The following OPA1 variants were observed in gnomAD, a reference collection of about 807,000 sequenced individuals.
The protein encoded by OPA1 is dynamin-like GTPase OPA1, mitochondrial.
Under a neutral mutation model 152.9 loss-of-function variants are expected in OPA1, and 59 were observed. The observed-to-expected ratio is 0.39, with a 90% confidence interval of 0.31 to 0.48. The LOEUF (loss-of-function observed/expected upper bound fraction) is 0.48. Ranked by LOEUF, OPA1 falls within the 20% of genes least tolerant of loss-of-function variation. The pLI is 0.96. For synonymous variants in OPA1, 400 were observed against 389.9 expected (o/e 1.03, Z -0.31); for missense variants, 1,008 against 1,216.8 (o/e 0.83, Z 2.55).
chr3:193,618,905 G>A lies in OPA1; in HGVS notation c.647G>A (p.Arg216His), dbSNP rs541206547. Residue 216 changes from arginine (R) to histidine (H), a missense_variant, in exon 6 of 31, where the codon CGT becomes CAT. This residue lies in a region of OPA1 where 408 missense variants were observed against 395.1 expected (regional missense o/e 1.03). Transcript: ENST00000361510. ...PEETAFRATDRGSESDKHFRK... is the reference protein window; with the variant it reads ...PEETAFRATDHGSESDKHFRK... ...GAAACGGCGTTTAGAGCAACAGATC[G>A]TGGATCTGAAAGTGACAAGCATTTT... 14 of 1,613,856 alleles carry A rather than the reference G, an allele frequency of 8.7e-6. No individual in the cohort carries two copies. The highest frequency in any genetic ancestry group is 4.5e-5 in the East Asian group (2 of 44,856).
intron 1 of OPA1, 91 bp from the exon 2 acceptor site, chr3:193,614,632 T>TGTGC: frequency 1.2e-6 from 1 of 850,296 alleles, no homozygotes; most frequent in East Asian, 2.6e-5. Context: ...CGTATGGGGC[T>TGTGC]GTGTTTCCTT....
intron 1 of OPA1, among the ~76,000 whole-genome samples, chr3:193,613,526 G>C (rs1220216492): frequency 6.6e-6 from 1 of 151,788 alleles, no homozygotes; most frequent in Non-Finnish European, 1.5e-5. Context: ...TCACAGCATT[G>C]CTCCTGTCTT....
At chr3:193,658,162 T>C (rs1242831108) in intron 23 of OPA1, among the ~76,000 whole-genome samples, 1 of 151,502 alleles carries the variant, frequency 6.6e-6, no homozygotes, top group East Asian at 1.9e-4. Flanking sequence ...GGAGAATTGC[T>C]TGAACCCAGG....
intron 29 of OPA1, among the ~76,000 whole-genome samples, chr3:193,684,758 A>G (rs1027440350): frequency 5.9e-5 from 9 of 151,972 alleles, no homozygotes; most frequent in Admixed American, 3.9e-4. Context: ...GCCAAGTACT[A>G]TTTTTATTAG....
At chr3:193,659,691 T>G in intron 25 of OPA1, 130 bp downstream of exon 25, 1 of 696,428 alleles carries the variant, frequency 1.4e-6, no homozygotes, top group South Asian at 1.9e-5. Flanking sequence ...TCATACTTTC[T>G]AAAATATAAT....
At chr3:193,693,251 A>G in intron 30 of OPA1, among the ~76,000 whole-genome samples, 1 of 152,280 alleles carries the variant, frequency 6.6e-6, no homozygotes, top group Non-Finnish European at 1.5e-5. Flanking sequence ...TCCATGGTAC[A>G]TCATTCGGAA....
intron 1 of OPA1, among the ~76,000 whole-genome samples, chr3:193,607,724 G>C (rs766158458): frequency 8.7e-4 from 133 of 152,286 alleles, no homozygotes; most frequent in Non-Finnish European, 1.7e-3. Context: ...CTTTGGCTTA[G>C]GATTGACTTG....
chr3:193,634,304 A>G (rs114915791), intron 8 of OPA1, among the ~76,000 whole-genome samples: 3,808 of 151,962 alleles, frequency 0.025, 50 homozygotes, highest in Non-Finnish European at 0.03. Context: ...CTGTTTAGAC[A>G]TATTAGTCTT....
intron 1 of OPA1, among the ~76,000 whole-genome samples, chr3:193,606,597 C>T (rs1727322520): frequency 6.6e-6 from 1 of 152,148 alleles, no homozygotes; most frequent in Non-Finnish European, 1.5e-5. Context: ...GACATTAACT[C>T]ATCATTTTTT....
At chr3:193,664,357 G>T (rs1235101921) in intron 26 of OPA1, among the ~76,000 whole-genome samples, 1 of 151,748 alleles carries the variant, frequency 6.6e-6, no homozygotes, top group African/African-American at 2.4e-5. Context: ...TTATTGTTTT[G>T]CTCAAAAAAG....
intron 29 of OPA1, among the ~76,000 whole-genome samples, chr3:193,671,338 A>T (rs77488824): frequency 6.6e-6 from 1 of 152,216 alleles, no homozygotes; most frequent in South Asian, 2.1e-4. Context: ...ATTCAGTCAT[A>T]ACAATACATG....
intron 5 of OPA1, among the ~76,000 whole-genome samples, chr3:193,618,048 G>T (rs1166331442): frequency 6.6e-6 from 1 of 152,038 alleles, no homozygotes; most frequent in Non-Finnish European, 1.5e-5. Context: ...ATATGTATGT[G>T]TATTATAAGA....
chr3:193,645,636 A>C lies in OPA1; in HGVS notation c.1681+11A>C, dbSNP rs1175636587. 2 of 1,608,844 alleles carry C rather than the reference A, an allele frequency of 1.2e-6. No homozygotes were observed. The highest frequency in any genetic ancestry group is 1.7e-6 in the Non-Finnish European group (2 of 1,175,556). ...TTGTAACAGGAAAAGGTATGCAAAG[A>C]TGGATTATAATAACTTATTTTTAGT... is the stretch of plus-strand genomic sequence containing the variant. On this transcript the variant is annotated intron_variant, in intron 17 of 30. Transcript: ENST00000361510.
intron 29 of OPA1, among the ~76,000 whole-genome samples, chr3:193,678,314 G>GT (rs368565789): frequency 0.012 from 1,759 of 145,600 alleles, 22 homozygotes; most frequent in African/African-American, 0.036. Context: ...GAATTTGAGG[G>GT]TTTTTTTTTT....
intron 30 of OPA1, 93 bp from the exon 31 acceptor site, chr3:193,694,513 A>G (rs1445913413): frequency 6.6e-6 from 1 of 152,234 alleles, no homozygotes; most frequent in Non-Finnish European, 1.5e-5. Context: ...TTAGGCTTCA[A>G]CATTGTTGTG....
chr3:193,621,016 T>G (rs999295923), intron 6 of OPA1, among the ~76,000 whole-genome samples: 1 of 152,244 alleles, frequency 6.6e-6, no homozygotes, highest in Non-Finnish European at 1.5e-5. Flanking sequence ...AGCTGAATAC[T>G]TTTTTAACTG....
chr3:193,635,302 A>G, intron 8 of OPA1, 116 bp from the exon 9 acceptor site: 1 of 641,248 alleles, frequency 1.6e-6, no homozygotes, highest in South Asian at 1.8e-5. Context: ...TTTAAAATGT[A>G]ATACATTTTA....
intron 3 of OPA1, among the ~76,000 whole-genome samples, chr3:193,616,224 C>G (rs1728991446): frequency 6.6e-6 from 1 of 152,116 alleles, no homozygotes; most frequent in South Asian, 2.1e-4. Flanking sequence ...GTTGCCCAGG[C>G]TAGTCTCAAA....
intron 1 of OPA1, among the ~76,000 whole-genome samples, chr3:193,598,844 T>A (rs111944669): frequency 0.025 from 3,840 of 152,330 alleles, 51 homozygotes; most frequent in Non-Finnish European, 0.03. Flanking sequence ...GAAATGTGAT[T>A]GGAACCAGAG....
Sources: allele counts gnomAD v4.1 joint callset (sites outside exome capture counted in the v4.1 genomes callset), GRCh38; gene constraint gnomAD v4.1.1; regional missense constraint gnomAD v4.1.1; transcripts MANE v1.5; gene names NCBI Gene and HGNC (gene_info 2026-07-23, HGNC 2026-07-21).